The following ERICH3 variants were observed in gnomAD, a reference collection of about 807,000 sequenced individuals.
The protein encoded by ERICH3 is glutamate-rich protein 3.
Under a neutral mutation model 131.1 loss-of-function variants are expected in ERICH3, and 126 were observed. The ratio of observed to expected loss-of-function variants is 0.96; its 90% CI spans 0.83 to 1.11. The LOEUF (loss-of-function observed/expected upper bound fraction) is 1.11. Ranked by LOEUF, ERICH3 falls within the 50% of genes most tolerant of loss-of-function variation. The pLI is 0.00. For missense variants in ERICH3, 2,050 were observed against 1,810.7 expected, an observed-to-expected ratio of 1.13 and a Z score of -2.40; for synonymous variants, 695 against 644.6, an observed-to-expected ratio of 1.08 and a Z score of -1.18.
rs527762114 is a variant in ERICH3 at position 74,573,301 on chromosome 1, A to C, written c.2409T>G (p.Ala803=). ...ACGCCCTCAAGGGAGCCTCATGAAC[A>C]GCTCCTGCTTCTCCCCACAGTGCTG... ...GEAALWGEAG[A]VHEAPLRAWK... The change falls in exon 14 of 15, where the codon GCT becomes GCG. Residue 803 remains alanine, a synonymous_variant. Transcript: ENST00000326665. 2.5e-6 allele frequency: 4 copies of C among 1,600,446 alleles called. No homozygotes were observed. The African/African-American group carries it at 5.4e-5, about 22-fold the overall frequency.
Position 74,641,396 on chromosome 1 carries a change from C to T in ERICH3, c.379G>A (p.Gly127Ser), listed in dbSNP as rs748851440. Residue 127 changes from glycine to serine, a missense_variant, in exon 5 of 15, where the codon GGC (glycine) becomes AGC (serine). Gly to Ser is a moderately conservative substitution (Grantham distance 56). Coordinates refer to ENST00000326665, the MANE Select transcript of ERICH3 (RefSeq NM_001002912.5). ...MPILSPHPPV[G>S]PKSNRGHSVL... ...CTATGGCCACGATTACTCTTTGGGCCAACTGGTGGGTGGGGAGACAGGATT... is the reference window on the plus strand; with the variant it reads ...CTATGGCCACGATTACTCTTTGGGCTAACTGGTGGGTGGGGAGACAGGATT... 6.2e-7 allele frequency: 1 copy of T among 1,612,554 alleles called. No individual in the cohort carries two copies. Among genetic ancestry groups the T allele is most frequent in the Non-Finnish European group, 8.5e-7 (1 of 1,179,370 alleles).
At position 74,572,945 on chromosome 1, in the gene ERICH3, A is replaced by G; in HGVS notation, c.2765T>C (p.Leu922Pro). 1 of 1,613,982 alleles carries G rather than the reference A, an allele frequency of 6.2e-7. No homozygotes were observed. The highest frequency in any genetic ancestry group is 8.5e-7 in the Non-Finnish European group (1 of 1,179,968). Residue 922 changes from leucine (L) to proline (P), a missense_variant, in exon 14 of 15, where the codon CTG becomes CCG. Physicochemically the swap from Leu to Pro is moderately conservative, Grantham distance 98 (BLOSUM62 -3). Transcript: ENST00000326665. ...NLEHLHEVAA[L>P]REAATSEEGE... ...CTCCTCCGATGTCGCTGCCTCTCTC[A>G]GGGCTGCTACTTCATGAAGATGCTC...
intron 1 of ERICH3, among the ~76,000 whole-genome samples, chr1:74,650,124 G>A (rs1044338118): frequency 6.6e-6 from 1 of 152,034 alleles, no homozygotes; most frequent in African/African-American, 2.4e-5. Flanking sequence ...ATTGTTATAA[G>A]TTCCTAACTA....
intron 12 of ERICH3, among the ~76,000 whole-genome samples, chr1:74,579,021 T>A (rs1188193672): frequency 7.2e-5 from 11 of 152,156 alleles, no homozygotes; most frequent in South Asian, 2.1e-4. Flanking sequence ...ATAACAAAAG[T>A]TTTTTACAAT....
intron 1 of ERICH3, among the ~76,000 whole-genome samples, chr1:74,657,149 T>A (rs1258451959): frequency 6.6e-6 from 1 of 152,196 alleles, no homozygotes; most frequent in African/African-American, 2.4e-5. Flanking sequence ...AGAAGCATAT[T>A]TTATGTATTT....
intron 9 of ERICH3, among the ~76,000 whole-genome samples, chr1:74,608,424 A>G (rs1398392142): frequency 6.6e-6 from 1 of 152,024 alleles, no homozygotes. Flanking sequence ...AAAGCAGTCA[A>G]GACTTGCTAG....
intron 7 of ERICH3, chr1:74,624,195 AACTC>A: frequency 6.6e-6 from 1 of 152,306 alleles, no homozygotes; most frequent in South Asian, 2.1e-4. Flanking sequence ...CATTTATAGA[AACTC>A]AATAGTTACC....
At chr1:74,597,445 T>C (rs1273432481) in intron 11 of ERICH3, among the ~76,000 whole-genome samples, 1 of 152,066 alleles carries the variant, frequency 6.6e-6, no homozygotes, top group Non-Finnish European at 1.5e-5. Context: ...AGAAAATAGC[T>C]AGCCAATTTA....
intron 12 of ERICH3, chr1:74,579,847 G>T (rs1184620025): frequency 2.0e-6 from 2 of 984,570 alleles, no homozygotes; most frequent in African/African-American, 3.5e-5. Context: ...AAAGGTGATT[G>T]TCAGTTCTCA....
intron 6 of ERICH3, chr1:74,634,677 G>C (rs1392866493): frequency 5.6e-6 from 4 of 714,742 alleles, no homozygotes; most frequent in Non-Finnish European, 1.0e-5. Flanking sequence ...TGGCAAGCAT[G>C]GAAAGCACCC....
At chr1:74,664,528 G>GA (rs1646671558) in intron 1 of ERICH3, among the ~76,000 whole-genome samples, 2 of 152,096 alleles carry the variant, frequency 1.3e-5, no homozygotes, top group South Asian at 4.1e-4. Flanking sequence ...GGCATATAGA[G>GA]AATGCCAAAT....
chr1:74,587,563 C>T (rs893138812), intron 12 of ERICH3, among the ~76,000 whole-genome samples: 7 of 152,006 alleles, frequency 4.6e-5, no homozygotes, highest in Non-Finnish European at 1.0e-4. Flanking sequence ...GATCATAGTG[C>T]TACATCTCTG....
chr1:74,671,835 A>C (rs148079512), intron 1 of ERICH3, among the ~76,000 whole-genome samples: 1 of 152,206 alleles, frequency 6.6e-6, no homozygotes, highest in African/African-American at 2.4e-5. Context: ...GTTGAGTTTT[A>C]TTTTGTTCTG....
intron 2 of ERICH3, 35 bp from the exon 3 acceptor site, chr1:74,646,827 A>G: frequency 7.8e-7 from 1 of 1,275,562 alleles, no homozygotes; most frequent in Non-Finnish European, 1.1e-6. Flanking sequence ...ATAGAAATAT[A>G]AAATAGAAAA....
At position 74,572,900 on chromosome 1, in the gene ERICH3, A is replaced by G; in HGVS notation, c.2810T>C (p.Val937Ala). 1 of 1,613,496 alleles carries G rather than the reference A, an allele frequency of 6.2e-7. No individual in the cohort carries two copies. Among genetic ancestry groups the G allele is most frequent in the African/African-American group, 1.3e-5 (1 of 74,806 alleles). The change falls in exon 14 of 15, where the codon GTG becomes GCG. Residue 937 changes from valine (V) to alanine (A), a missense_variant. Val to Ala is a moderately conservative substitution (Grantham distance 64, BLOSUM62 0). Transcript: ENST00000326665. Reference protein sequence around the residue: ...TSEEGEAEGGVAVSDVGESEE... With the variant: ...TSEEGEAEGGAAVSDVGESEE... ...ACTTTCTCCGACATCACTCACAGCC[A>G]CCCCACCCTCAGCCTCTCCCTCCTC...
At chr1:74,599,117 G>A (rs537968378) in intron 11 of ERICH3, among the ~76,000 whole-genome samples, 22 of 151,940 alleles carry the variant, frequency 1.4e-4, no homozygotes, top group Admixed American at 5.9e-4. Flanking sequence ...TTTATGTAAT[G>A]GAAAGATACA....
intron 5 of ERICH3, among the ~76,000 whole-genome samples, chr1:74,638,258 A>T (rs1463678288): frequency 6.6e-6 from 1 of 152,170 alleles, no homozygotes; most frequent in Non-Finnish European, 1.5e-5. Flanking sequence ...CATTTATTGA[A>T]TTCCCACCAT....
At chr1:74,575,768 T>C (rs756257378) in intron 13 of ERICH3, among the ~76,000 whole-genome samples, 1 of 152,198 alleles carries the variant, frequency 6.6e-6, no homozygotes, top group Non-Finnish European at 1.5e-5. Flanking sequence ...CATGTAGTAA[T>C]ATATTATGCC....
Position 74,573,347 on chromosome 1 carries a change from A to G in ERICH3, c.2363T>C (p.Ile788Thr), listed in dbSNP as rs1440551039. Residue 788 changes from isoleucine (I) to threonine (T), a missense_variant, in exon 14 of 15, where the codon ATA (isoleucine) becomes ACA (threonine). Coordinates refer to ENST00000326665, the MANE Select transcript of ERICH3 (RefSeq NM_001002912.5). Reference sequence around the variant, plus strand: ...TGCTGCCTCCCCTTTTCCCTGTACTATGTCAGCATCTCTGTGCTGGGGCGC... The same window carrying G: ...TGCTGCCTCCCCTTTTCCCTGTACTGTGTCAGCATCTCTGTGCTGGGGCGC... Reference protein sequence around the residue: ...DEAPQHRDADIVQGKGEAALW... With the variant: ...DEAPQHRDADTVQGKGEAALW... 1.2e-6 allele frequency: 2 copies of G among 1,610,974 alleles called. No homozygotes were observed. Among genetic ancestry groups the G allele is most frequent in the African/African-American group, 2.7e-5 (2 of 74,642 alleles).
Sources: gnomAD v4.1 joint callset for allele counts (sites outside exome capture counted in the v4.1 genomes callset) on GRCh38, gnomAD v4.1.1 for gene constraint, MANE v1.5 for transcripts, NCBI Gene and HGNC (gene_info 2026-07-23, HGNC 2026-07-21) for gene names.